STAU2: variants seen among roughly 807,000 people sequenced by gnomAD.
STAU2 encodes staufen double-stranded RNA binding protein 2, also known as double-stranded RNA-binding protein Staufen homolog 2.
A neutral mutation model predicts 65.9 loss-of-function variants in STAU2; 20 were observed. That is an observed-to-expected ratio of 0.30 (90% CI 0.21 to 0.44). The LOEUF is 0.44. Ranked by LOEUF, STAU2 falls within the 20% of genes least tolerant of loss-of-function variation. The probability of loss-of-function intolerance (pLI) is 1.00; values close to 1 mark genes in which losing one functional copy is unlikely to be tolerated. For missense variants in STAU2, 558 were observed against 683.9 expected (o/e 0.82, Z 2.05); for synonymous variants, 232 against 233.9 (o/e 0.99, Z 0.07).
intron 13 of STAU2, among the ~76,000 whole-genome samples, chr8:73,527,098 C>T (rs1040634311): frequency 5.3e-5 from 8 of 152,168 alleles, no homozygotes; most frequent in African/African-American, 1.9e-4. Flanking sequence ...CATTGCATTA[C>T]AATTGCCTAT....
At chr8:73,711,441 AG>A (rs1820893404) in intron 3 of STAU2, among the ~76,000 whole-genome samples, 1 of 152,178 alleles carries the variant, frequency 6.6e-6, no homozygotes, top group African/African-American at 2.4e-5. Flanking sequence ...AAAATATTAA[AG>A]TCTGATAAAA....
chr8:73,745,572 G>A (rs1807212032), intron 1 of STAU2, among the ~76,000 whole-genome samples: 1 of 152,204 alleles, frequency 6.6e-6, no homozygotes, highest in African/African-American at 2.4e-5. Context: ...CACCAAAATT[G>A]TGAAAGCAAA....
At chr8:73,629,715 A>G (rs939927624) in intron 6 of STAU2, among the ~76,000 whole-genome samples, 1 of 152,066 alleles carries the variant, frequency 6.6e-6, no homozygotes, top group Non-Finnish European at 1.5e-5. Context: ...AAACCAGATG[A>G]TTTACTGGAA....
intron 5 of STAU2, among the ~76,000 whole-genome samples, chr8:73,674,945 T>A (rs1817932782): frequency 6.6e-6 from 1 of 151,588 alleles, no homozygotes; most frequent in Non-Finnish European, 1.5e-5. Context: ...CTAGCTTAAG[T>A]ATCCACTTAA....
upstream of STAU2, chr8:73,747,355 C>G: frequency 6.5e-7 from 1 of 1,534,702 alleles, no homozygotes; most frequent in Non-Finnish European, 8.7e-7. Context: ...TCTTTCTGGT[C>G]CGCACCCTGT....
chr8:73,575,244 C>T (rs1453231449), intron 12 of STAU2, among the ~76,000 whole-genome samples: 3 of 151,648 alleles, frequency 2.0e-5, no homozygotes, highest in Non-Finnish European at 4.4e-5. Flanking sequence ...CTACCAAATA[C>T]ATAGTCTCAT....
In STAU2 at chr8:73,422,760, A is replaced by G. The variant is rs1202968263; in HGVS notation, c.1531-58T>C. 3.4e-6 allele frequency: 4 copies of G among 1,187,514 alleles called. No homozygotes were observed. The African/African-American group carries it at 6.8e-5, about 20-fold the overall frequency. The allele number at this position is 1,187,514 out of a possible 1,614,324, so 73.6% of individuals were successfully genotyped here. A position where few individuals can be genotyped will look rare whatever the true frequency, so the allele number is the denominator to read the frequency against. On this transcript the variant is annotated intron_variant, in intron 13 of 14. Coordinates refer to ENST00000524300, the MANE Select transcript of STAU2 (RefSeq NM_001164380.2). Reference sequence around the variant, plus strand: ...ACTGACTCTAGTGTAATGAACAAGTAACTGAAAGAAAGCTGAGATAGAAAG... The same window carrying G: ...ACTGACTCTAGTGTAATGAACAAGTGACTGAAAGAAAGCTGAGATAGAAAG...
chr8:73,558,947 A>C (rs1382048847), intron 12 of STAU2, among the ~76,000 whole-genome samples: 1 of 152,244 alleles, frequency 6.6e-6, no homozygotes, highest in African/African-American at 2.4e-5. Context: ...TTCACAATAA[A>C]AAATTATAAT....
intron 6 of STAU2, among the ~76,000 whole-genome samples, chr8:73,658,450 T>C (rs556397856): frequency 6.6e-6 from 1 of 152,254 alleles, no homozygotes; most frequent in Non-Finnish European, 1.5e-5. Flanking sequence ...AAGTTTCCAG[T>C]AATCAACATA....
chr8:73,615,368 T>C (rs758460542), intron 8 of STAU2, among the ~76,000 whole-genome samples: 10 of 152,154 alleles, frequency 6.6e-5, no homozygotes, highest in Non-Finnish European at 1.0e-4. Flanking sequence ...AATTTAATCC[T>C]ATTTAAAATG....
chr8:73,747,395 G>C (rs1312242795), upstream of STAU2: 1 of 1,535,418 alleles, frequency 6.5e-7, no homozygotes, highest in Admixed American at 2.0e-5. Context: ...ACCTTTCCCA[G>C]GCTCTCCGGC....
intron 13 of STAU2, among the ~76,000 whole-genome samples, chr8:73,438,665 C>T (rs984753835): frequency 3.3e-5 from 5 of 152,314 alleles, no homozygotes; most frequent in African/African-American, 9.6e-5. Flanking sequence ...TTGTGTCCAG[C>T]GAGGGCAAGC....
chr8:73,675,453 A>G (rs1817973374), intron 5 of STAU2: 1 of 152,140 alleles, frequency 6.6e-6, no homozygotes, highest in Non-Finnish European at 1.5e-5. Context: ...ATTCAACAAC[A>G]AAACATACGG....
At chr8:73,719,499 T>C (rs953673059) in intron 3 of STAU2, among the ~76,000 whole-genome samples, 1 of 152,226 alleles carries the variant, frequency 6.6e-6, no homozygotes, top group Non-Finnish European at 1.5e-5. Context: ...CTTCCACTTC[T>C]AGTTTGCTGA....
chr8:73,559,533 T>C (rs1407032280), intron 12 of STAU2, among the ~76,000 whole-genome samples: 2 of 152,214 alleles, frequency 1.3e-5, no homozygotes, highest in Non-Finnish European at 2.9e-5. Context: ...CTGATGACAG[T>C]GTGGGCCTCA....
rs896530336 is a variant in STAU2, at chr8:73,421,397, C to T, written c.1688G>A (p.Cys563Tyr). 4.6e-6 allele frequency: 7 copies of T among 1,537,134 alleles called. No individual in the cohort carries two copies. The highest frequency in any genetic ancestry group is 6.1e-6 in the Non-Finnish European group (7 of 1,146,910). Residue 563 changes from cysteine (C) to tyrosine (Y), a missense_variant, in exon 15 of 15, where the codon TGC (cysteine) becomes TAC (tyrosine). This residue lies in a region of STAU2 where 247 missense variants were observed against 270.1 expected (regional missense o/e 0.91). Coordinates refer to ENST00000524300, the MANE Select transcript of STAU2 (RefSeq NM_001164380.2). ...CTAGACGGCCGAGTTTGATTTCTTG[C>T]AGTCCTGAGCGATGGAGCCCGGGGG... is the stretch of plus-strand genomic sequence containing the variant. Reference protein sequence around the residue: ...QAPPGSIAQDCKKSNSAV With the variant: ...QAPPGSIAQDYKKSNSAV
chr8:73,586,063 A>T (rs990261111), intron 11 of STAU2, among the ~76,000 whole-genome samples: 1 of 152,222 alleles, frequency 6.6e-6, no homozygotes, highest in Non-Finnish European at 1.5e-5. Flanking sequence ...TTCCTTTATA[A>T]ATTACCCAAT....
At chr8:73,463,207 C>T (rs1029451721) in intron 13 of STAU2, among the ~76,000 whole-genome samples, 7 of 152,224 alleles carry the variant, frequency 4.6e-5, no homozygotes, top group African/African-American at 1.4e-4. Context: ...ATGCAGTATG[C>T]TGGTCTTTAG....
chr8:73,654,637 C>CAAAAAAAAAAAAAAA (rs71269928), intron 6 of STAU2, among the ~76,000 whole-genome samples: 2,470 of 26,216 alleles, frequency 0.094, 528 homozygotes, highest in Non-Finnish European at 0.12. Flanking sequence ...AAGATTGTCT[C>CAAAAAAAAAAAAAAA]AAAAAAAAAA....
Sources: allele counts gnomAD v4.1 joint callset (sites outside exome capture counted in the v4.1 genomes callset), GRCh38; gene constraint gnomAD v4.1.1; regional missense constraint gnomAD v4.1.1; transcripts MANE v1.5; gene names NCBI Gene and HGNC (gene_info 2026-07-23, HGNC 2026-07-21).